PDE4D: variants seen among roughly 807,000 people sequenced by gnomAD.
The protein encoded by PDE4D is 3',5'-cyclic-AMP phosphodiesterase 4D.
PDE4D carries 24 observed loss-of-function variants against 87.4 expected under a neutral mutation model. The observed-to-expected ratio is 0.27, with a 90% confidence interval of 0.20 to 0.39. The LOEUF (loss-of-function observed/expected upper bound fraction) is 0.39. Among genes scored for constraint, PDE4D ranks in the 10% least tolerant of loss-of-function variants. PDE4D has a pLI of 1.00. For synonymous variants in PDE4D, 384 were observed against 383.2 expected, an observed-to-expected ratio of 1.00 and a Z score of -0.02; for missense variants, 714 against 1,041.0, an observed-to-expected ratio of 0.69 and a Z score of 4.32.
At chr5:59,133,862 A>T (rs1031668053) in intron 5 of PDE4D, among the ~76,000 whole-genome samples, 8 of 152,146 alleles carry the variant, frequency 5.3e-5, no homozygotes, top group African/African-American at 1.9e-4. Context: ...CATGGAGCAA[A>T]CTTTGACCAA....
intron 1 of PDE4D, among the ~76,000 whole-genome samples, chr5:60,364,997 CAAT>C (rs1395497619): frequency 6.6e-6 from 1 of 152,092 alleles, no homozygotes; most frequent in African/African-American, 2.4e-5. Flanking sequence ...TAACCCACAA[CAAT>C]GTTTATTTGT....
intron 1 of PDE4D, among the ~76,000 whole-genome samples, chr5:60,481,699 A>G (rs543581118): frequency 4.3e-4 from 65 of 152,294 alleles, no homozygotes; most frequent in Non-Finnish European, 9.1e-4. Context: ...GGATTCAAAT[A>G]CCTGACATAG....
intron 3 of PDE4D, among the ~76,000 whole-genome samples, chr5:59,903,883 A>G (rs1474047388): frequency 2.0e-5 from 3 of 152,124 alleles, no homozygotes; most frequent in Non-Finnish European, 4.4e-5. Context: ...CAATTTCCTC[A>G]TGATTGTTCT....
Position 58,974,960 on chromosome 5 carries a change from T to C in PDE4D, c.2134A>G (p.Ile712Val). ...GGTGCAGGAGAGGGGCTCTGAGGGA[T>C]TGTGCTCTGGTACCATTCACGATTG... ...EDNREWYQST[I>V]PQSPSPAPDD... Residue 712 changes from isoleucine (I) to valine (V), a missense_variant, in exon 15 of 15, where the codon ATC becomes GTC. By Grantham distance (29) the Ile-to-Val change is conservative. Around this residue, in one of 7 missense-constraint regions of PDE4D, gnomAD observed 97 missense variants for 176.9 expected, o/e 0.55. Transcript: ENST00000340635. 2 of 1,613,430 alleles carry C rather than the reference T, an allele frequency of 1.2e-6. No homozygotes were observed. The highest frequency in any genetic ancestry group is 4.5e-5 in the East Asian group (2 of 44,864).
chr5:59,557,005 T>C (rs1441674022), intron 1 of PDE4D, among the ~76,000 whole-genome samples: 1 of 152,196 alleles, frequency 6.6e-6, no homozygotes, highest in Admixed American at 6.5e-5. Context: ...ATAACCTTAA[T>C]GAAATGCCAT....
At chr5:60,178,748 C>T (rs1165050134) in intron 2 of PDE4D, among the ~76,000 whole-genome samples, 1 of 152,042 alleles carries the variant, frequency 6.6e-6, no homozygotes, top group African/African-American at 2.4e-5. Context: ...GGTTGTGGTA[C>T]TGTGGTGTTA....
intron 2 of PDE4D, among the ~76,000 whole-genome samples, chr5:60,122,351 C>T (rs1213483766): frequency 6.6e-6 from 1 of 152,254 alleles, no homozygotes; most frequent in Non-Finnish European, 1.5e-5. Context: ...CAGAGGTTTT[C>T]CATGAGGGCC....
intron 2 of PDE4D, among the ~76,000 whole-genome samples, chr5:59,997,232 A>G (rs562144076): frequency 6.6e-6 from 1 of 152,316 alleles, no homozygotes; most frequent in South Asian, 2.1e-4. Flanking sequence ...AGTTACATAC[A>G]GTAATAGAAT....
intron 1 of PDE4D, among the ~76,000 whole-genome samples, chr5:60,319,681 T>G (rs1429358535): frequency 2.0e-5 from 3 of 152,262 alleles, no homozygotes; most frequent in Admixed American, 1.3e-4. Context: ...TCCTTTCTGT[T>G]TGTTAGTTTT....
chr5:59,660,417 AT>A (rs1238839810), intron 1 of PDE4D, among the ~76,000 whole-genome samples: 2 of 151,776 alleles, frequency 1.3e-5, no homozygotes, highest in Non-Finnish European at 2.9e-5. Flanking sequence ...CCTTTTATTT[AT>A]TTTTTCTCTC....
intron 2 of PDE4D, among the ~76,000 whole-genome samples, chr5:60,086,707 A>G (rs1464381183): frequency 6.6e-6 from 1 of 152,266 alleles, no homozygotes; most frequent in Non-Finnish European, 1.5e-5. Flanking sequence ...GAGCAGGAGA[A>G]ATGTTCAATC....
chr5:60,156,134 A>G (rs1020945338), intron 2 of PDE4D, among the ~76,000 whole-genome samples: 2 of 152,220 alleles, frequency 1.3e-5, no homozygotes, highest in African/African-American at 4.8e-5. Context: ...AACCTGGGCT[A>G]GCCACAGGAT....
intron 5 of PDE4D, among the ~76,000 whole-genome samples, chr5:59,114,430 G>A (rs1262634406): frequency 6.6e-6 from 1 of 152,196 alleles, no homozygotes; most frequent in Non-Finnish European, 1.5e-5. Context: ...GCTAAATTTG[G>A]TTTTGGATAT....
intron 2 of PDE4D, among the ~76,000 whole-genome samples, chr5:59,200,657 A>ACGTGTCTGTACAGATACACG (rs1491325814): frequency 6.5e-5 from 2 of 30,722 alleles, no homozygotes; most frequent in African/African-American, 3.1e-4. Flanking sequence ...GTATACATAC[A>ACGTGTCTGTACAGATACACG]TATGTGTATG....
At chr5:60,232,879 A>T (rs1277578243) in intron 1 of PDE4D, among the ~76,000 whole-genome samples, 1 of 151,890 alleles carries the variant, frequency 6.6e-6, no homozygotes, top group Non-Finnish European at 1.5e-5. Flanking sequence ...TGCAGAAACT[A>T]GGAAGAAAAA....
In PDE4D at chr5:58,993,485, A is replaced by T. The variant is rs1748399877; in HGVS notation, c.922-20T>A. 6.8e-7 allele frequency: 1 copy of T among 1,470,432 alleles called. No individual in the cohort carries two copies. The highest frequency in any genetic ancestry group is 1.2e-5 in the South Asian group (1 of 82,450). The allele number at this position is 1,470,432 out of a possible 1,614,324, so 91.1% of individuals were successfully genotyped here. ...TTTAAACTGAAAAACAGAAAAGTAA[A>T]ATGAAATAATAGAAGAGGAAAATTT... On this transcript the variant is annotated intron_variant, in intron 6 of 14. Coordinates refer to ENST00000340635, the MANE Select transcript of PDE4D (RefSeq NM_001104631.2).
intron 1 of PDE4D, among the ~76,000 whole-genome samples, chr5:59,488,953 G>T (rs980676521): frequency 1.3e-5 from 2 of 152,058 alleles, no homozygotes; most frequent in African/African-American, 2.4e-5. Context: ...GAGCTTTGAA[G>T]TGTTCTCCAG....
intron 5 of PDE4D, among the ~76,000 whole-genome samples, chr5:59,179,434 A>C (rs1367471583): frequency 6.6e-6 from 1 of 152,234 alleles, no homozygotes; most frequent in African/African-American, 2.4e-5. Context: ...TATCAAGAAC[A>C]AAACTGGTTA....
At chr5:60,298,094 T>G (rs1201768129) in intron 1 of PDE4D, among the ~76,000 whole-genome samples, 1 of 152,002 alleles carries the variant, frequency 6.6e-6, no homozygotes. Context: ...GGTTTACATA[T>G]AGTTTGATGA....
Sources: gnomAD v4.1 joint callset for allele counts (sites outside exome capture counted in the v4.1 genomes callset) on GRCh38, gnomAD v4.1.1 for gene constraint, gnomAD v4.1.1 regional missense constraint, MANE v1.5 for transcripts, NCBI Gene and HGNC (gene_info 2026-07-23, HGNC 2026-07-21) for gene names.